The following NRG1 variants were observed in gnomAD, a reference collection of about 807,000 sequenced individuals.
NRG1 encodes the protein neuregulin 1, also known as pro-neuregulin-1, membrane-bound isoform.
In NRG1, 18 loss-of-function variants were observed where a neutral mutation model predicts 63.8. That is an observed-to-expected ratio of 0.28 (90% CI 0.19 to 0.42). The LOEUF (loss-of-function observed/expected upper bound fraction) is 0.42, where lower values mean the gene tolerates loss of function less well. NRG1 is among the 10% of genes least tolerant of loss of function. The pLI is 1.00. For synonymous variants in NRG1, 302 were observed against 301.3 expected (o/e 1.00, Z -0.02); for missense variants, 762 against 814.7 (o/e 0.94, Z 0.79).
intron 1 of NRG1, among the ~76,000 whole-genome samples, chr8:32,563,365 T>G (rs945224467): frequency 1.3e-5 from 2 of 152,248 alleles, no homozygotes; most frequent in Admixed American, 1.3e-4. Context: ...AGAATAACTT[T>G]TGATGGGTGA....
intron 1 of NRG1, among the ~76,000 whole-genome samples, chr8:31,859,277 A>G (rs1038549014): frequency 6.6e-6 from 1 of 152,212 alleles, no homozygotes; most frequent in Non-Finnish European, 1.5e-5. Flanking sequence ...AAGCTATGAA[A>G]ATGAAGACAA....
In NRG1 at chr8:32,548,801, GTCCGCGGC is replaced by G; in HGVS notation, c.76_83del (p.Ser26GlyfsTer30). 1 of 1,579,934 alleles carries G rather than the reference GTCCGCGGC, an allele frequency of 6.3e-7. No individual in the cohort carries two copies. Among genetic ancestry groups the G allele is most frequent in the Non-Finnish European group, 8.6e-7 (1 of 1,165,190 alleles). On this transcript the variant is annotated frameshift_variant, in exon 1 of 12. Transcript: ENST00000356819. LOFTEE classifies it high-confidence loss of function. ...AGCGAGGCTCCGGCAAGAAGCCGGA[GTCCGCGGC>G]GGGCAGCCAGAGCCCAGGTGGGTGC...
intron 1 of NRG1, among the ~76,000 whole-genome samples, chr8:31,921,605 A>G (rs774844187): frequency 6.6e-6 from 1 of 152,166 alleles, no homozygotes; most frequent in East Asian, 1.9e-4. Flanking sequence ...TCAGCAGACT[A>G]TGATCTCTGC....
chr8:32,523,174 A>G (rs1830501677), intron 1 of NRG1, among the ~76,000 whole-genome samples: 1 of 152,116 alleles, frequency 6.6e-6, no homozygotes, highest in African/African-American at 2.4e-5. Flanking sequence ...ACCTCTACAG[A>G]TCTTGAGTCT....
intron 1 of NRG1, among the ~76,000 whole-genome samples, chr8:32,297,994 ACC>A (rs1855095830): frequency 6.6e-6 from 1 of 152,238 alleles, no homozygotes; most frequent in Non-Finnish European, 1.5e-5. Context: ...AGTGATTAGA[ACC>A]CTTAGTTTAT....
chr8:31,889,262 C>G (rs1830960759), intron 1 of NRG1, among the ~76,000 whole-genome samples: 1 of 152,104 alleles, frequency 6.6e-6, no homozygotes, highest in Non-Finnish European at 1.5e-5. Context: ...TTTTATTCTC[C>G]TCCATATATG....
chr8:32,431,691 G>T (rs188055400), intron 1 of NRG1, among the ~76,000 whole-genome samples: 6 of 151,832 alleles, frequency 4.0e-5, no homozygotes, highest in Admixed American at 3.3e-4. Flanking sequence ...ATATTTTAAC[G>T]ATGATTTAAT....
At chr8:32,121,601 G>C (rs1465002906) in intron 1 of NRG1, among the ~76,000 whole-genome samples, 1 of 151,954 alleles carries the variant, frequency 6.6e-6, no homozygotes, top group Non-Finnish European at 1.5e-5. Context: ...TATTGGGTTA[G>C]ACTTAATTCT....
intron 1 of NRG1, among the ~76,000 whole-genome samples, chr8:31,660,256 G>A (rs1467596904): frequency 6.6e-6 from 1 of 151,578 alleles, no homozygotes; most frequent in African/African-American, 2.4e-5. Flanking sequence ...ATATGGAGAA[G>A]TTTGAGGAAT....
rs947718943 is a variant in NRG1, at chr8:32,379,639, G to A, written c.38-216189G>A. 4.6e-5 allele frequency among the ~76,000 whole-genome samples: 7 copies of A among 152,326 alleles called. No homozygotes were observed. The East Asian group carries it at 1.2e-3, about 25-fold the overall frequency. The stretch of plus-strand genomic sequence containing the variant: ...TGTCAGATCCTTCTGCATGTGCACT[G>A]AGTTAAATTCTCACTGTAAGATTGA... On this transcript the variant is annotated intron_variant, in intron 1 of 10. Coordinates refer to the NRG1 transcript ENST00000519301.
chr8:32,034,892 A>G (rs1353969435), intron 1 of NRG1, among the ~76,000 whole-genome samples: 1 of 151,282 alleles, frequency 6.6e-6, no homozygotes, highest in Non-Finnish European at 1.5e-5. Flanking sequence ...TTTCAAAAAA[A>G]CAGCTCCTGG....
intron 7 of NRG1, among the ~76,000 whole-genome samples, chr8:32,753,975 C>T (rs1222711326): frequency 6.6e-6 from 1 of 151,898 alleles, no homozygotes; most frequent in Non-Finnish European, 1.5e-5. Context: ...GTGTTGATTC[C>T]TGTTGTCTTT....
At chr8:32,696,951 C>T (rs996298100) in intron 5 of NRG1, among the ~76,000 whole-genome samples, 1 of 152,132 alleles carries the variant, frequency 6.6e-6, no homozygotes, top group African/African-American at 2.4e-5. Flanking sequence ...CGTGAGCCAC[C>T]GCGCCTGGCC....
At chr8:32,552,834 A>T (rs562401201) in intron 1 of NRG1, among the ~76,000 whole-genome samples, 1 of 151,950 alleles carries the variant, frequency 6.6e-6, no homozygotes, top group Admixed American at 6.5e-5. Flanking sequence ...GAGAAAAAAT[A>T]TATATAGAGA....
At position 32,411,536 on chromosome 8, in the gene NRG1, T is replaced by A. The variant is rs193289621; in HGVS notation, c.38-184292T>A. Among the ~76,000 whole-genome samples the A allele has an allele frequency of 4.5e-3, 683 of 152,316 alleles. 1 individual carries two copies. The highest frequency in any genetic ancestry group is 7.4e-3 in the Non-Finnish European group (503 of 68,028). On this transcript the variant is annotated intron_variant, in intron 1 of 10. Coordinates refer to the NRG1 transcript ENST00000519301. Reference sequence around the variant, plus strand: ...AGCTCTAAAATAAAGGAAAGGAATATTCTTTATCAGTCATCAGCTTAATCT... The same window carrying A: ...AGCTCTAAAATAAAGGAAAGGAATAATCTTTATCAGTCATCAGCTTAATCT...
intron 1 of NRG1, among the ~76,000 whole-genome samples, chr8:32,100,155 CT>C (rs1269214615): frequency 1.3e-5 from 2 of 151,912 alleles, no homozygotes; most frequent in Non-Finnish European, 2.9e-5. Context: ...CTTCTTCCTC[CT>C]TTCTGCCTTT....
At chr8:32,106,522 T>C (rs1200406556) in intron 1 of NRG1, among the ~76,000 whole-genome samples, 9 of 152,286 alleles carry the variant, frequency 5.9e-5, no homozygotes, top group African/African-American at 2.4e-5. Flanking sequence ...GAAAAGCCCA[T>C]ACAGTTGGAA....
At position 32,398,684 on chromosome 8, in the gene NRG1, T is replaced by C. The variant is rs115639626; in HGVS notation, c.38-197144T>C. Among the ~76,000 whole-genome samples, 1,356 of 152,264 alleles carry C rather than the reference T, an allele frequency of 8.9e-3. 24 individuals carry two copies. Among genetic ancestry groups the C allele is most frequent in the African/African-American group, 0.032 (1,312 of 41,544 alleles). The stretch of plus-strand genomic sequence containing the variant: ...CCTCAGCCTTCCAAAGTGCTGGGAT[T>C]AATTACAGGTGTGAGACACTGCACC... On this transcript the variant is annotated intron_variant, in intron 1 of 10. Transcript: ENST00000519301.
At chr8:32,261,697 T>C (rs991316219) in intron 1 of NRG1, among the ~76,000 whole-genome samples, 1 of 152,102 alleles carries the variant, frequency 6.6e-6, no homozygotes, top group African/African-American at 2.4e-5. Context: ...TATTGGACGG[T>C]AAAGGCCAGA....
Sources: gnomAD v4.1 joint callset for allele counts (sites outside exome capture counted in the v4.1 genomes callset) on GRCh38, gnomAD v4.1.1 for gene constraint, MANE v1.5 for transcripts, NCBI Gene and HGNC (gene_info 2026-07-23, HGNC 2026-07-21) for gene names.